Variants in COMMD1 observed in about 807,000 individuals in gnomAD.
COMMD1 encodes the protein copper metabolism domain containing 1.
COMMD1 carries 10 observed loss-of-function variants against 17.2 expected under a neutral mutation model. That is an observed-to-expected ratio of 0.58 (90% CI 0.36 to 0.99). The LOEUF is 0.99. COMMD1 is among the 50% of genes least tolerant of loss of function. The pLI is 0.01. For synonymous variants in COMMD1, 97 were observed against 91.6 expected (o/e 1.06, Z -0.34); for missense variants, 270 against 231.8 (o/e 1.17, Z -1.07).
intron 1 of COMMD1, among the ~76,000 whole-genome samples, chr2:61,942,944 C>T (rs543488874): frequency 2.4e-4 from 37 of 151,998 alleles, no homozygotes; most frequent in Non-Finnish European, 4.4e-4. Context: ...TATATATATA[C>T]ACTCATACAA....
intron 1 of COMMD1, among the ~76,000 whole-genome samples, chr2:61,980,941 T>C (rs1466476806): frequency 6.6e-6 from 1 of 152,226 alleles, no homozygotes; most frequent in East Asian, 1.9e-4. Context: ...GTTTGCCTTT[T>C]TTATTTCTTT....
chr2:62,055,995 A>G (rs1670688816), intron 2 of COMMD1, among the ~76,000 whole-genome samples: 1 of 152,254 alleles, frequency 6.6e-6, no homozygotes, highest in Non-Finnish European at 1.5e-5. Flanking sequence ...TTTGTTGCCA[A>G]CCAACACCAT....
rs368332328 is a variant in COMMD1 at position 61,905,820 on chromosome 2, T to A, written c.142T>A (p.Phe48Ile). 6.2e-7 allele frequency: 1 copy of A among 1,614,040 alleles called. No homozygotes were observed. Among genetic ancestry groups the A allele is most frequent in the Admixed American group, 1.7e-5 (1 of 60,000 alleles). The part of the protein sequence containing the change: ...QLYPEVPPEE[F>I]RPFLAKMRGI... ...ATATCCAGAGGTGCCACCCGAGGAGTTCCGCCCCTTTCTGGCAAAGATGAG... is the reference window on the plus strand; with the variant it reads ...ATATCCAGAGGTGCCACCCGAGGAGATCCGCCCCTTTCTGGCAAAGATGAG... Residue 48 changes from phenylalanine to isoleucine, a missense_variant, in exon 1 of 3, where the codon TTC (phenylalanine) becomes ATC (isoleucine). Coordinates refer to ENST00000311832, the MANE Select transcript of COMMD1 (RefSeq NM_152516.4).
At chr2:62,060,474 T>C (rs762480382) in intron 2 of COMMD1, among the ~76,000 whole-genome samples, 26 of 152,354 alleles carry the variant, frequency 1.7e-4, no homozygotes, top group Non-Finnish European at 3.5e-4. Context: ...TTCAATATTA[T>C]AACTTTTGCT....
At chr2:61,994,348 T>TA in intron 1 of COMMD1, among the ~76,000 whole-genome samples, 1 of 152,356 alleles carries the variant, frequency 6.6e-6, no homozygotes, top group Admixed American at 6.5e-5. Flanking sequence ...AATAGGCAGA[T>TA]ATTCAGTAAA....
At chr2:61,929,807 C>G (rs1277722253) in intron 1 of COMMD1, among the ~76,000 whole-genome samples, 6 of 151,912 alleles carry the variant, frequency 3.9e-5, no homozygotes, top group African/African-American at 1.5e-4. Flanking sequence ...GTCTGTAGTC[C>G]CAGCTTTTCT....
chr2:61,936,601 A>G (rs915976664), intron 1 of COMMD1, among the ~76,000 whole-genome samples: 3 of 152,152 alleles, frequency 2.0e-5, no homozygotes, highest in South Asian at 2.1e-4. Context: ...GAAACTTCAT[A>G]TAGTTCTTTT....
intron 2 of COMMD1, among the ~76,000 whole-genome samples, chr2:62,103,062 T>C (rs1482335418): frequency 6.6e-6 from 1 of 151,860 alleles, no homozygotes; most frequent in Non-Finnish European, 1.5e-5. Flanking sequence ...CACTGCAAGC[T>C]GCGCCTCCTG....
At chr2:61,912,929 C>G (rs1255578396) in intron 1 of COMMD1, among the ~76,000 whole-genome samples, 2 of 152,040 alleles carry the variant, frequency 1.3e-5, no homozygotes, top group African/African-American at 4.8e-5. Flanking sequence ...TGGCACAGGC[C>G]TGCAGTAGCA....
At chr2:62,015,153 A>G (rs879642447) in intron 2 of COMMD1, among the ~76,000 whole-genome samples, 4 of 152,180 alleles carry the variant, frequency 2.6e-5, no homozygotes, top group African/African-American at 7.2e-5. Context: ...CCAAACAGAA[A>G]TTCAGTACAC....
intron 1 of COMMD1, among the ~76,000 whole-genome samples, chr2:61,945,224 T>G (rs1034314133): frequency 2.0e-5 from 3 of 152,218 alleles, no homozygotes; most frequent in African/African-American, 7.2e-5. Flanking sequence ...AAGACTGCTC[T>G]CTACTATGCT....
At chr2:61,951,488 C>T (rs1393439906) in intron 1 of COMMD1, among the ~76,000 whole-genome samples, 2 of 151,570 alleles carry the variant, frequency 1.3e-5, no homozygotes, top group African/African-American at 4.8e-5. Context: ...CTTTCTGCAT[C>T]TTCAGTTCAA....
chr2:61,934,777 G>T (rs1328927854), intron 1 of COMMD1, among the ~76,000 whole-genome samples: 1 of 152,204 alleles, frequency 6.6e-6, no homozygotes, highest in African/African-American at 2.4e-5. Flanking sequence ...AACCCTCATT[G>T]GTTCTTTTCT....
At chr2:62,078,191 C>T (rs534694112) in intron 2 of COMMD1, among the ~76,000 whole-genome samples, 9 of 124,890 alleles carry the variant, frequency 7.2e-5, no homozygotes, top group South Asian at 2.7e-4. Context: ...AGGAGAATGG[C>T]GTGAACCCAG....
intron 1 of COMMD1, among the ~76,000 whole-genome samples, chr2:61,955,947 A>G (rs1671188163): frequency 6.6e-6 from 1 of 152,198 alleles, no homozygotes; most frequent in Admixed American, 6.5e-5. Flanking sequence ...TTGGCCTCCC[A>G]AAGTGCTGGG....
chr2:61,976,588 C>A (rs1415663444), intron 1 of COMMD1, among the ~76,000 whole-genome samples: 7 of 152,112 alleles, frequency 4.6e-5, no homozygotes, highest in Non-Finnish European at 1.0e-4. Context: ...GCACTCCTAT[C>A]AGTAATGGAC....
intron 2 of COMMD1, among the ~76,000 whole-genome samples, chr2:62,029,879 C>T (rs1349710383): frequency 6.6e-6 from 1 of 152,158 alleles, no homozygotes; most frequent in African/African-American, 2.4e-5. Context: ...GAAAAATTAC[C>T]GACAAGAAGC....
intron 1 of COMMD1, among the ~76,000 whole-genome samples, chr2:61,928,938 A>G (rs932897282): frequency 1.3e-5 from 2 of 152,212 alleles, no homozygotes; most frequent in Admixed American, 1.3e-4. Flanking sequence ...AAGGATTATA[A>G]CCTGGAATGC....
rs753728511 is a variant in COMMD1, at chr2:62,015,309, A to C, written c.462+14327A>C. ...CTTTTGTGTCTGGTTTATTTTACAC[A>C]TAGTGTCTTCAACTTTTATCGTTGT... On this transcript the variant is annotated intron_variant, in intron 2 of 2. Coordinates refer to ENST00000311832, the MANE Select transcript of COMMD1 (RefSeq NM_152516.4). Among the ~76,000 whole-genome samples, 5 of 152,354 alleles carry C rather than the reference A, an allele frequency of 3.3e-5. No homozygotes were observed. The East Asian group carries it at 7.7e-4, about 24-fold the overall frequency.
Sources: allele counts gnomAD v4.1 joint callset (sites outside exome capture counted in the v4.1 genomes callset), GRCh38; gene constraint gnomAD v4.1.1; transcripts MANE v1.5; gene names NCBI Gene and HGNC (gene_info 2026-07-23, HGNC 2026-07-21).